RAB38: variants seen among roughly 807,000 people sequenced by gnomAD.
RAB38 encodes the protein RAB38, member RAS oncogene family.
A neutral mutation model predicts 18.4 loss-of-function variants in RAB38; 15 were observed. The ratio of observed to expected loss-of-function variants is 0.82; its 90% CI spans 0.55 to 1.26. The LOEUF (loss-of-function observed/expected upper bound fraction) is 1.26, where lower values mean the gene tolerates loss of function less well. Ranked by LOEUF, RAB38 falls within the 50% of genes most tolerant of loss-of-function variation. The probability of loss-of-function intolerance (pLI) is 0.00; values close to 1 mark genes in which losing one functional copy is unlikely to be tolerated. For synonymous variants in RAB38, 101 were observed against 104.4 expected, an observed-to-expected ratio of 0.97 and a Z score of 0.20; for missense variants, 294 against 267.4, an observed-to-expected ratio of 1.10 and a Z score of -0.69.
At chr11:88,142,590 T>G (rs1942929468) in intron 2 of RAB38, among the ~76,000 whole-genome samples, 1 of 152,168 alleles carries the variant, frequency 6.6e-6, no homozygotes, top group African/African-American at 2.4e-5. Flanking sequence ...GAGCAAGAAT[T>G]ATTTGTTGGG....
At chr11:87,897,785 T>G in the RAB38 span, among the ~76,000 whole-genome samples, 10,371 of 151,670 alleles carry the variant, frequency 0.068, 521 homozygotes, top group African/African-American at 0.14. Flanking sequence ...CAATGTACTT[T>G]TCAGCTCCAG....
At chr11:87,975,056 A>T in the RAB38 span, among the ~76,000 whole-genome samples, 2 of 151,930 alleles carry the variant, frequency 1.3e-5, no homozygotes, top group East Asian at 3.9e-4. Context: ...ATTGCCAGCA[A>T]TCCTTGGCAT....
chr11:87,838,151 G>C, the RAB38 span, among the ~76,000 whole-genome samples: 136 of 150,262 alleles, frequency 9.1e-4, no homozygotes, highest in African/African-American at 3.2e-3. Context: ...GTCTCGCTCT[G>C]TCTCCCAGGT....
At chr11:87,879,236 C>T in the RAB38 span, among the ~76,000 whole-genome samples, 49 of 151,504 alleles carry the variant, frequency 3.2e-4, no homozygotes, top group African/African-American at 1.1e-3. Context: ...TTCATGGATA[C>T]GGACTGTATA....
At chr11:87,884,383 A>C in the RAB38 span, among the ~76,000 whole-genome samples, 1 of 151,954 alleles carries the variant, frequency 6.6e-6, no homozygotes, top group African/African-American at 2.4e-5. Flanking sequence ...GGAAAGATCA[A>C]CTGTTAGTCA....
chr11:87,840,790 C>T, the RAB38 span, among the ~76,000 whole-genome samples: 2 of 152,110 alleles, frequency 1.3e-5, no homozygotes, highest in Admixed American at 6.6e-5. Context: ...ATAGACACAC[C>T]TCTATATAGG....
chr11:87,976,820 C>T, the RAB38 span, among the ~76,000 whole-genome samples: 27 of 64,750 alleles, frequency 4.2e-4, no homozygotes, highest in Admixed American at 1.0e-3. Flanking sequence ...ATATATTATA[C>T]AATGTATAAT....
chr11:88,159,151 T>G (rs1160313732), intron 1 of RAB38, among the ~76,000 whole-genome samples: 1 of 150,654 alleles, frequency 6.6e-6, no homozygotes, highest in Non-Finnish European at 1.5e-5. Context: ...ACCAATAATG[T>G]TCAAGCCAAG....
At chr11:87,945,448 T>C in the RAB38 span, among the ~76,000 whole-genome samples, 8 of 152,250 alleles carry the variant, frequency 5.3e-5, no homozygotes, top group African/African-American at 1.9e-4. Flanking sequence ...AATTGGAGCT[T>C]CCAAAAATTC....
At chr11:87,948,304 A>G in the RAB38 span, among the ~76,000 whole-genome samples, 4 of 152,174 alleles carry the variant, frequency 2.6e-5, no homozygotes, top group Admixed American at 1.3e-4. Flanking sequence ...GGCTGAGACA[A>G]TGGGGTTTTC....
chr11:87,922,294 A>T, the RAB38 span, among the ~76,000 whole-genome samples: 1 of 152,056 alleles, frequency 6.6e-6, no homozygotes, highest in Non-Finnish European at 1.5e-5. Context: ...TCTAACGAGG[A>T]GAATTCTATT....
the RAB38 span, chr11:87,815,546 T>C: frequency 6.6e-4 from 100 of 152,318 alleles, 1 homozygote; most frequent in Admixed American, 6.5e-3. Flanking sequence ...TGTTAGATCA[T>C]GTTTCATGTA....
the RAB38 span, among the ~76,000 whole-genome samples, chr11:87,819,356 G>A: frequency 3.9e-5 from 6 of 152,286 alleles, no homozygotes; most frequent in East Asian, 1.2e-3. Context: ...GTGCTACCAA[G>A]TGTGTGATTC....
At chr11:88,088,535 AT>A in the RAB38 span, among the ~76,000 whole-genome samples, 1 of 151,908 alleles carries the variant, frequency 6.6e-6, no homozygotes, top group African/African-American at 2.4e-5. Context: ...GGGGAGCTAT[AT>A]TTTCATTTGT....
At chr11:88,147,067 T>C (rs11603300) in intron 2 of RAB38, among the ~76,000 whole-genome samples, 36,525 of 152,100 alleles carry the variant, frequency 0.24, 4,516 homozygotes, top group Non-Finnish European at 0.28. Context: ...CTTCAGAAGG[T>C]CTTTTGACCC....
At chr11:88,170,465 G>A (rs1298081776) in intron 1 of RAB38, among the ~76,000 whole-genome samples, 5 of 152,126 alleles carry the variant, frequency 3.3e-5, no homozygotes, top group African/African-American at 1.2e-4. Flanking sequence ...AGTTAAGTCC[G>A]AATCCTATCT....
chr11:87,885,335 G>C, the RAB38 span, among the ~76,000 whole-genome samples: 1 of 146,228 alleles, frequency 6.8e-6, no homozygotes, highest in Non-Finnish European at 1.5e-5. Flanking sequence ...GAATATTCCT[G>C]CTTCTGCTCT....
At chr11:87,825,352 T>G in the RAB38 span, among the ~76,000 whole-genome samples, 5,888 of 152,216 alleles carry the variant, frequency 0.039, 140 homozygotes, top group African/African-American at 0.071. Context: ...TAACACACAC[T>G]GGGTAACTTA....
the RAB38 span, among the ~76,000 whole-genome samples, chr11:88,026,585 A>AAAG: frequency 6.8e-6 from 1 of 146,676 alleles, no homozygotes; most frequent in African/African-American, 2.6e-5. Flanking sequence ...AAAAAAAAAA[A>AAAG]AAGGAAAAGA....
Sources: gnomAD v4.1 joint callset for allele counts (sites outside exome capture counted in the v4.1 genomes callset) on GRCh38, gnomAD v4.1.1 for gene constraint, MANE v1.5 for transcripts, NCBI Gene and HGNC (gene_info 2026-07-23, HGNC 2026-07-21) for gene names.